The following TTC7B variants were observed in gnomAD, a reference collection of about 807,000 sequenced individuals.
TTC7B encodes the protein tetratricopeptide repeat domain 7B.
TTC7B carries 28 observed loss-of-function variants against 106.8 expected under a neutral mutation model. The ratio of observed to expected loss-of-function variants is 0.26; its 90% CI spans 0.19 to 0.36. The LOEUF (loss-of-function observed/expected upper bound fraction) is 0.36, where lower values mean the gene tolerates loss of function less well. Ranked by LOEUF, TTC7B falls within the 10% of genes least tolerant of loss-of-function variation. The probability of loss-of-function intolerance (pLI) is 1.00; values close to 1 mark genes in which losing one functional copy is unlikely to be tolerated. For synonymous variants in TTC7B, 405 were observed against 430.6 expected (o/e 0.94, Z 0.74); for missense variants, 862 against 1,076.4 (o/e 0.80, Z 2.79).
rs773388094 is a variant in TTC7B at position 90,754,580 on chromosome 14, CTTGA to C, written c.446-9662_446-9659del. 2.0e-5 allele frequency among the ~76,000 whole-genome samples: 3 copies of C among 152,238 alleles called. No homozygotes were observed. The East Asian group carries it at 5.8e-4, about 29-fold the overall frequency. ...TACTTTTGTATATATTAAATAACAG[CTTGA>C]TTGAGATATTATTCACATACCATAA... On this transcript the variant is annotated intron_variant, in intron 3 of 19. Transcript: ENST00000328459.
chr14:90,703,435 A>G (rs1427661618), intron 5 of TTC7B, among the ~76,000 whole-genome samples: 1 of 152,232 alleles, frequency 6.6e-6, no homozygotes, highest in Non-Finnish European at 1.5e-5. Context: ...CACCACAAGC[A>G]CTTGAGCTGG....
intron 4 of TTC7B, among the ~76,000 whole-genome samples, chr14:90,741,710 A>G (rs559702937): frequency 1.6e-4 from 24 of 152,352 alleles, no homozygotes; most frequent in Non-Finnish European, 2.1e-4. Context: ...CTTGCATAAC[A>G]CACAACTATC....
rs371747156 is a variant in TTC7B at position 90,786,270 on chromosome 14, G to T, written c.180C>A (p.His60Gln). Residue 60 changes from histidine (H) to glutamine (Q), a missense_variant, in exon 2 of 20, where the codon CAC (histidine) becomes CAA (glutamine). Transcript: ENST00000328459. ...ESKLEQYLKEHPLRQGASPRG... is the reference protein window; with the variant it reads ...ESKLEQYLKEQPLRQGASPRG... ...GGGGACTGGCCCCCTGCCTCAGGGG[G>T]TGTTCCTTCAGGTACTGCTCCAGCT... 6.2e-6 allele frequency: 10 copies of T among 1,613,100 alleles called. No individual in the cohort carries two copies. The highest frequency in any genetic ancestry group is 1.7e-4 in the Middle Eastern group (1 of 6,054).
chr14:90,576,184 CAT>C (rs1891256776), intron 19 of TTC7B, among the ~76,000 whole-genome samples: 1 of 152,080 alleles, frequency 6.6e-6, no homozygotes, highest in African/African-American at 2.4e-5. Context: ...CTGAATAATT[CAT>C]AGTCCCCGAG....
chr14:90,787,847 A>G (rs1270179022), intron 1 of TTC7B, among the ~76,000 whole-genome samples: 1 of 152,188 alleles, frequency 6.6e-6, no homozygotes, highest in Non-Finnish European at 1.5e-5. Flanking sequence ...GAACTCAAGA[A>G]CTCATTAGAC....
chr14:90,799,537 G>A (rs2030113913), intron 1 of TTC7B, among the ~76,000 whole-genome samples: 1 of 152,154 alleles, frequency 6.6e-6, no homozygotes, highest in African/African-American at 2.4e-5. Flanking sequence ...TCAAGGGCAG[G>A]GCATCCAAGA....
intron 17 of TTC7B, among the ~76,000 whole-genome samples, chr14:90,599,959 A>G (rs1288323790): frequency 6.6e-6 from 1 of 152,108 alleles, no homozygotes; most frequent in Non-Finnish European, 1.5e-5. Context: ...GTTTCTCAAG[A>G]TAGGGCTTGG....
intron 19 of TTC7B, among the ~76,000 whole-genome samples, chr14:90,572,036 T>C (rs915161765): frequency 6.6e-6 from 1 of 152,156 alleles, no homozygotes; most frequent in African/African-American, 2.4e-5. Flanking sequence ...GACAGCAATT[T>C]TTCCCAAATC....
At chr14:90,696,774 A>T (rs1214220922) in intron 5 of TTC7B, among the ~76,000 whole-genome samples, 1 of 152,206 alleles carries the variant, frequency 6.6e-6, no homozygotes, top group African/African-American at 2.4e-5. Flanking sequence ...TCAGATCAGA[A>T]GCTTGATGGT....
At position 90,530,714 on chromosome 14, in the gene TTC7B, A is replaced by G. The variant is rs2139749309; in HGVS notation, c.*10654T>C. ...CAAGCACACCCCTGAGAAACTGGAA[A>G]GGGCAAAGTTTGATGTCTTTCCTAG... On this transcript the variant is annotated 3_prime_UTR_variant, in exon 20 of 20. Coordinates refer to ENST00000328459, the MANE Select transcript of TTC7B (RefSeq NM_001010854.2). 6.6e-6 allele frequency: 1 copy of G among 152,358 alleles called. No individual in the cohort carries two copies. Among genetic ancestry groups the G allele is most frequent in the Non-Finnish European group, 1.5e-5 (1 of 68,048 alleles). 9.4% of individuals were successfully genotyped at this position (152,358 alleles called of 1,614,324 possible).
At chr14:90,784,864 C>T (rs4904730) in intron 2 of TTC7B, among the ~76,000 whole-genome samples, 41,381 of 152,076 alleles carry the variant, frequency 0.27, 9,301 homozygotes, top group African/African-American at 0.62. Context: ...AGCTGTGTCC[C>T]GTGCATACAA....
intron 3 of TTC7B, among the ~76,000 whole-genome samples, chr14:90,769,122 C>G (rs928942171): frequency 6.6e-6 from 1 of 152,006 alleles, no homozygotes; most frequent in Non-Finnish European, 1.5e-5. Flanking sequence ...GAGTGTTAAA[C>G]TTTAAGATAT....
At chr14:90,644,259 A>T in intron 14 of TTC7B, 51 bp from the exon 15 acceptor site, 1 of 1,088,000 alleles carries the variant, frequency 9.2e-7, no homozygotes, top group Non-Finnish European at 1.3e-6. Context: ...ATGCACACGC[A>T]CACACACACA....
intron 1 of TTC7B, among the ~76,000 whole-genome samples, chr14:90,811,546 C>T (rs953509768): frequency 2.6e-5 from 4 of 152,196 alleles, no homozygotes; most frequent in Admixed American, 6.5e-5. Flanking sequence ...GGACCCTGCA[C>T]CCTCCACCAA....
intron 19 of TTC7B, among the ~76,000 whole-genome samples, chr14:90,562,205 C>G (rs1890622006): frequency 6.6e-6 from 1 of 152,198 alleles, no homozygotes; most frequent in South Asian, 2.1e-4. Flanking sequence ...GCCAACCAGA[C>G]TTGCCATCAC....
chr14:90,760,266 G>A (rs940504674), intron 3 of TTC7B, among the ~76,000 whole-genome samples: 1 of 152,156 alleles, frequency 6.6e-6, no homozygotes, highest in Non-Finnish European at 1.5e-5. Context: ...TGGGCAAGGA[G>A]GCAGGCAGCC....
chr14:90,664,705 C>T (rs59491974), intron 9 of TTC7B, among the ~76,000 whole-genome samples: 34,548 of 152,114 alleles, frequency 0.23, 4,211 homozygotes, highest in Non-Finnish European at 0.28. Context: ...GCTCGCAGGG[C>T]GTGAGGACAA....
chr14:90,710,068 A>AG (rs1212073217), intron 5 of TTC7B, among the ~76,000 whole-genome samples: 1 of 151,794 alleles, frequency 6.6e-6, no homozygotes, highest in Admixed American at 6.6e-5. Flanking sequence ...AAAAAAAAAA[A>AG]AAAGAAAACC....
intron 5 of TTC7B, among the ~76,000 whole-genome samples, chr14:90,705,320 A>T (rs1368231110): frequency 2.6e-5 from 4 of 152,168 alleles, no homozygotes; most frequent in Non-Finnish European, 5.9e-5. Flanking sequence ...ATTCCAGATG[A>T]TCTGCCAGCC....
Sources: gnomAD v4.1 joint callset for allele counts (sites outside exome capture counted in the v4.1 genomes callset) on GRCh38, gnomAD v4.1.1 for gene constraint, MANE v1.5 for transcripts, NCBI Gene and HGNC (gene_info 2026-07-23, HGNC 2026-07-21) for gene names.